FREM2: variants seen among roughly 807,000 people sequenced by gnomAD.
The protein encoded by FREM2 is FRAS1 related extracellular matrix 2, also known as FRAS1-related extracellular matrix protein 2.
Under a neutral mutation model 219.9 loss-of-function variants are expected in FREM2, and 119 were observed. The ratio of observed to expected loss-of-function variants is 0.54; its 90% CI spans 0.47 to 0.63. FREM2 has a LOEUF of 0.63. FREM2 is among the 30% of genes least tolerant of loss of function. FREM2 has a pLI of 0.00. For synonymous variants in FREM2, 1,562 were observed against 1,522.8 expected (o/e 1.03, Z -0.60); for missense variants, 4,030 against 3,993.6 (o/e 1.01, Z -0.25).
In FREM2 at chr13:38,692,505, C is replaced by CA. The variant is rs769926034; in HGVS notation, c.5162dup (p.Phe1722ValfsTer5). 67 of 1,610,790 alleles carry CA rather than the reference C, an allele frequency of 4.2e-5. No individual in the cohort carries two copies. Among genetic ancestry groups the CA allele is most frequent in the Non-Finnish European group, 5.5e-5 (65 of 1,179,998 alleles). ...GGACAAAGGCAACCACAGCATCACTCAGTTCACACAAGGTATGTTTCATGT... is the reference window on the plus strand; with the variant it reads ...GGACAAAGGCAACCACAGCATCACTCAAGTTCACACAAGGTATGTTTCATGT... On this transcript the variant is annotated frameshift_variant, in exon 1 of 24. Transcript: ENST00000280481. LOFTEE classifies it high-confidence loss of function.
intron 2 of FREM2, among the ~76,000 whole-genome samples, chr13:38,758,185 A>G (rs866077136): frequency 2.0e-5 from 3 of 152,074 alleles, no homozygotes; most frequent in Non-Finnish European, 4.4e-5. Flanking sequence ...CTAATATCCA[A>G]TCTCCTAAAT....
Position 38,688,743 on chromosome 13 carries a change from A to T in FREM2, c.1399A>T (p.Asn467Tyr). 1 of 1,613,968 alleles carries T rather than the reference A, an allele frequency of 6.2e-7. No homozygotes were observed. The highest frequency in any genetic ancestry group is 8.5e-7 in the Non-Finnish European group (1 of 1,179,922). Residue 467 changes from asparagine (N) to tyrosine (Y), a missense_variant, in exon 1 of 24, where the codon AAC (asparagine) becomes TAC (tyrosine). Asn to Tyr is a moderately radical substitution (Grantham distance 143, BLOSUM62 -2). Coordinates refer to ENST00000280481, the MANE Select transcript of FREM2 (RefSeq NM_207361.6). ...LTGPAGSGPQNLVISDEDDLE... is the reference protein window; with the variant it reads ...LTGPAGSGPQYLVISDEDDLE... Reference sequence around the variant, plus strand: ...AGGCCCTGCAGGCAGTGGTCCGCAAAACTTGGTCATCAGCGATGAGGATGA... The same window carrying T: ...AGGCCCTGCAGGCAGTGGTCCGCAATACTTGGTCATCAGCGATGAGGATGA...
In FREM2 at chr13:38,788,534, G is replaced by A. The variant is rs969148215; in HGVS notation, c.6019+3726G>A. The stretch of plus-strand genomic sequence containing the variant: ...CTTCTGTTACTTAAGAAATGGCTGC[G>A]ATATCAAATGTCAACACTTTATAGA... On this transcript the variant is annotated intron_variant, in intron 6 of 23. Coordinates refer to ENST00000280481, the MANE Select transcript of FREM2 (RefSeq NM_207361.6). 5.9e-5 allele frequency among the ~76,000 whole-genome samples: 9 copies of A among 152,166 alleles called. No individual in the cohort carries two copies. The East Asian group carries it at 9.6e-4, about 16-fold the overall frequency.
chr13:38,735,602 GCA>G (rs2137773145), intron 2 of FREM2, among the ~76,000 whole-genome samples: 1 of 152,208 alleles, frequency 6.6e-6, no homozygotes, highest in South Asian at 2.1e-4. Context: ...TAAAAAAAAT[GCA>G]TACTCAGGAA....
intron 2 of FREM2, among the ~76,000 whole-genome samples, chr13:38,735,232 A>T (rs1276553107): frequency 6.6e-6 from 1 of 152,240 alleles, no homozygotes; most frequent in Non-Finnish European, 1.5e-5. Context: ...TTTAATGATT[A>T]GAAATTGAAT....
chr13:38,688,482 C>T lies in FREM2; in HGVS notation c.1138C>T (p.Leu380Phe). The T allele has an allele frequency of 6.2e-7, 1 of 1,614,194 alleles. No homozygotes were observed. Among genetic ancestry groups the T allele is most frequent in the Non-Finnish European group, 8.5e-7 (1 of 1,180,040 alleles). ...LVSTDDRSLP[L>F]SSFTQRDLRL... ...GAGCACCGATGATCGCAGCCTGCCC[C>T]TTTCCTCCTTCACTCAGAGGGATCT... The change falls in exon 1 of 24, where the codon CTT becomes TTT. Residue 380 changes from leucine to phenylalanine, a missense_variant. Leu to Phe is a conservative substitution (Grantham distance 22). Coordinates refer to ENST00000280481, the MANE Select transcript of FREM2 (RefSeq NM_207361.6).
intron 6 of FREM2, among the ~76,000 whole-genome samples, chr13:38,807,138 A>C (rs1875261198): frequency 8.6e-6 from 1 of 116,506 alleles, no homozygotes. Context: ...ATTTTTTTCA[A>C]CCCCCTGCTC....
intron 2 of FREM2, among the ~76,000 whole-genome samples, chr13:38,738,056 T>C (rs917288508): frequency 6.6e-6 from 1 of 152,130 alleles, no homozygotes; most frequent in Non-Finnish European, 1.5e-5. Flanking sequence ...CTGAGGACTT[T>C]GTTGCTGATT....
chr13:38,778,188 C>T (rs1179541652), intron 4 of FREM2, among the ~76,000 whole-genome samples: 3 of 152,170 alleles, frequency 2.0e-5, no homozygotes, highest in African/African-American at 7.2e-5. Context: ...TATGAATAAT[C>T]AACCCTGTCT....
rs558298109 is a variant in FREM2, at chr13:38,727,090, T to A, written c.5263+29303T>A. On this transcript the variant is annotated intron_variant, in intron 2 of 23. Transcript: ENST00000280481. ...CTTGTTGGACGTAGTTTTTGATACC[T>A]TTGGTACAGTTTCAGCTGCACTCAA... Among the ~76,000 whole-genome samples, 6 of 152,320 alleles carry A rather than the reference T, an allele frequency of 3.9e-5. No individual in the cohort carries two copies. In the East Asian group the frequency reaches 9.6e-4, roughly 24 times the overall value.
chr13:38,865,621 T>C (rs537485701), intron 16 of FREM2, among the ~76,000 whole-genome samples: 1 of 152,320 alleles, frequency 6.6e-6, no homozygotes, highest in South Asian at 2.1e-4. Flanking sequence ...AATCCCACAG[T>C]AAAGCTGTGG....
intron 3 of FREM2, among the ~76,000 whole-genome samples, chr13:38,768,109 G>A (rs1366509040): frequency 6.6e-6 from 1 of 152,110 alleles, no homozygotes; most frequent in Non-Finnish European, 1.5e-5. Flanking sequence ...GAATATTTGT[G>A]GTTGAATGGA....
chr13:38,822,141 G>C (rs1462353436), intron 6 of FREM2: 2 of 152,050 alleles, frequency 1.3e-5, no homozygotes, highest in Non-Finnish European at 1.5e-5. Flanking sequence ...ATCTTTACTC[G>C]TGTGTACCTT....
chr13:38,784,970 C>T (rs918193375), intron 6 of FREM2, among the ~76,000 whole-genome samples, 162 bp downstream of exon 6: 9 of 152,148 alleles, frequency 5.9e-5, no homozygotes, highest in Non-Finnish European at 1.5e-5. Context: ...CTGCATCTGT[C>T]GGTTTGTCTT....
chr13:38,803,366 G>T (rs907969143), intron 6 of FREM2, among the ~76,000 whole-genome samples: 2 of 152,124 alleles, frequency 1.3e-5, no homozygotes, highest in African/African-American at 4.8e-5. Context: ...AGGGGCGCTA[G>T]AAGTACAGGA....
chr13:38,720,948 G>T (rs1010026993), intron 2 of FREM2, among the ~76,000 whole-genome samples: 8 of 152,104 alleles, frequency 5.3e-5, no homozygotes, highest in Non-Finnish European at 1.2e-4. Context: ...GAAATAGAAG[G>T]CTATTTCTGA....
rs1294678797 is a variant in FREM2 at position 38,859,779 on chromosome 13, G to A, written c.7519+189G>A. ...AAATATTTATTCATTCTACCTTTAA[G>A]TATCTATTATATGCCAGACACAATG... On this transcript the variant is annotated intron_variant, in intron 14 of 23. Transcript: ENST00000280481. Among the ~76,000 whole-genome samples, 3 of 152,038 alleles carry A rather than the reference G, an allele frequency of 2.0e-5. No individual in the cohort carries two copies. In the East Asian group the frequency reaches 5.8e-4, roughly 29 times the overall value.
chr13:38,838,659 C>A (rs888275975), intron 6 of FREM2, among the ~76,000 whole-genome samples: 2 of 152,112 alleles, frequency 1.3e-5, no homozygotes, highest in African/African-American at 4.8e-5. Flanking sequence ...TTGTTCGTTC[C>A]TTTTCATTAT....
rs748842862 is a variant in FREM2 at position 38,861,478 on chromosome 13, T to G, written c.7567T>G (p.Ser2523Ala). 6.2e-7 allele frequency: 1 copy of G among 1,610,556 alleles called. No individual in the cohort carries two copies. The highest frequency in any genetic ancestry group is 2.2e-5 in the East Asian group (1 of 44,876). Residue 2523 changes from serine (S) to alanine (A), a missense_variant, in exon 15 of 24, where the codon TCA becomes GCA. By Grantham distance (99) the Ser-to-Ala change is moderately conservative. Around this residue, in one of 2 missense-constraint regions of FREM2, gnomAD observed 928 missense variants for 1,042.9 expected, o/e 0.89. Coordinates refer to ENST00000280481, the MANE Select transcript of FREM2 (RefSeq NM_207361.6). Reference sequence around the variant, plus strand: ...TGGGGTTGTTGGAGCAGAGCCGTTCTCAGCTAAATTGCGCTACACAGGCCC... The same window carrying G: ...TGGGGTTGTTGGAGCAGAGCCGTTCGCAGCTAAATTGCGCTACACAGGCCC... Reference protein sequence around the residue: ...VPGVVGAEPFSAKLRYTGPED... With the variant: ...VPGVVGAEPFAAKLRYTGPED...
Sources: allele counts gnomAD v4.1 joint callset (sites outside exome capture counted in the v4.1 genomes callset), GRCh38; gene constraint gnomAD v4.1.1; regional missense constraint gnomAD v4.1.1; transcripts MANE v1.5; gene names NCBI Gene and HGNC (gene_info 2026-07-23, HGNC 2026-07-21).